The following PEX3 variants were observed in gnomAD, a reference collection of about 807,000 sequenced individuals.
PEX3 encodes peroxisomal biogenesis factor 3, also known as peroxin-3.
In PEX3, 30 loss-of-function variants were observed where a neutral mutation model predicts 55.8. The ratio of observed to expected loss-of-function variants is 0.54; its 90% confidence interval spans 0.40 to 0.73. The LOEUF (loss-of-function observed/expected upper bound fraction) is 0.73. PEX3 is among the 30% of genes least tolerant of loss of function. PEX3 has a pLI of 0.00. For missense variants in PEX3, 351 were observed against 432.8 expected, an observed-to-expected ratio of 0.81 and a Z score of 1.68; for synonymous variants, 135 against 148.4, an observed-to-expected ratio of 0.91 and a Z score of 0.66.
At position 143,453,681 on chromosome 6, in the gene PEX3, A is replaced by G. The variant is rs140977417; in HGVS notation, c.73+2566A>G. Among the ~76,000 whole-genome samples the G allele has an allele frequency of 2.6e-5, 4 of 152,082 alleles. No homozygotes were observed. The East Asian group carries it at 7.7e-4, about 29-fold the overall frequency. ...TCTTCACACTTTCCTCACTCATGCG[A>G]TCCTCTCACCTCAGCCTCCCAAGTA... On this transcript the variant is annotated intron_variant, in intron 1 of 11. Transcript: ENST00000367591. The surrounding 1 kb of genome is among the most constrained non-coding windows in gnomAD (Gnocchi z 4.6).
At position 143,458,534 on chromosome 6, in the gene PEX3, A is replaced by T. The variant is rs539365404; in HGVS notation, c.74-551A>T. The stretch of plus-strand genomic sequence containing the variant: ...GCATTTTGTGTTCATTGAAGAAAAT[A>T]TAGAGGACAAAATGACCTGTTATCC... On this transcript the variant is annotated intron_variant, in intron 1 of 11. Coordinates refer to ENST00000367591, the MANE Select transcript of PEX3 (RefSeq NM_003630.3). The surrounding 1 kb of genome is among the most constrained non-coding windows in gnomAD (Gnocchi z 6.1). Among the ~76,000 whole-genome samples, 1 of 152,194 alleles carries T rather than the reference A, an allele frequency of 6.6e-6. No individual in the cohort carries two copies.
rs1010869117 is a variant in PEX3 at position 143,490,106 on chromosome 6, T to G, written c.*880T>G. 31 of 152,226 alleles carry G rather than the reference T, an allele frequency of 2.0e-4. No individual in the cohort carries two copies. Among genetic ancestry groups the G allele is most frequent in the African/African-American group, 7.5e-4 (31 of 41,464 alleles). The allele number at this position is 152,226 out of a possible 1,614,324, so 9.4% of individuals were successfully genotyped here. ...AAGAGAGAGCATGCTAGTTTAAGTT[T>G]CATTTTAATTGGTCGTGTACTTGGT... On this transcript the variant is annotated 3_prime_UTR_variant, in exon 12 of 12. Transcript: ENST00000367591. The surrounding 1 kb of genome is among the most constrained non-coding windows in gnomAD (Gnocchi z 6.0).
chr6:143,469,698 A>G (rs1193331988), intron 4 of PEX3, among the ~76,000 whole-genome samples: 2 of 152,132 alleles, frequency 1.3e-5, no homozygotes, highest in African/African-American at 4.8e-5. Flanking sequence ...CCATTTGTCC[A>G]TTTTGGCTTT....
At chr6:143,468,052 T>A (rs1780014988) in intron 3 of PEX3, 70 bp from the exon 4 acceptor site, 6 of 838,952 alleles carry the variant, frequency 7.2e-6, no homozygotes, top group Non-Finnish European at 1.2e-5. Context: ...AAAATAGATC[T>A]ATAAAATTCA....
At chr6:143,469,159 A>C (rs1780036151) in intron 4 of PEX3, among the ~76,000 whole-genome samples, 1 of 152,198 alleles carries the variant, frequency 6.6e-6, no homozygotes, top group South Asian at 2.1e-4. Flanking sequence ...TCTTTATAGC[A>C]GCATGATTTA....
Position 143,485,393 on chromosome 6 carries a change from G to C in PEX3, c.1038+145G>C. ...GGAACTACATGTAGAGTATGGTAGA[G>C]TGTCCCATGAGAGTAATAACGGACC... On this transcript the variant is annotated intron_variant, in intron 11 of 11. Transcript: ENST00000367591. The surrounding 1 kb of genome is among the most constrained non-coding windows in gnomAD (Gnocchi z 5.6). 1.5e-6 allele frequency: 1 copy of C among 685,782 alleles called. No homozygotes were observed. Among genetic ancestry groups the C allele is most frequent in the East Asian group, 2.7e-5 (1 of 36,674 alleles). The allele number at this position is 685,782 out of a possible 1,614,324, so 42.5% of individuals were successfully genotyped here.
rs1173668526 is a variant in PEX3, at chr6:143,463,363, G to A, written c.287+366G>A. 1.3e-5 allele frequency among the ~76,000 whole-genome samples: 2 copies of A among 152,108 alleles called. No homozygotes were observed. The highest frequency in any genetic ancestry group is 2.9e-5 in the Non-Finnish European group (2 of 68,008). On this transcript the variant is annotated intron_variant, in intron 3 of 11. Transcript: ENST00000367591. This position sits in a 1 kb window ranked among gnomAD's most constrained non-coding sequence, Gnocchi z 5.7. ...TGTGCTTCTTTCTGAAAGAGCTTAC[G>A]GTGTAATACAGCATGTGAACATACG...
chr6:143,489,707 T>C lies in PEX3; in HGVS notation c.*481T>C, dbSNP rs1311954347. The C allele has an allele frequency of 6.6e-6, 1 of 152,070 alleles. No homozygotes were observed. The highest frequency in any genetic ancestry group is 2.4e-5 in the African/African-American group (1 of 41,416). The allele number at this position is 152,070 out of a possible 1,614,324, so 9.4% of individuals were successfully genotyped here. On this transcript the variant is annotated 3_prime_UTR_variant, in exon 12 of 12. Transcript: ENST00000367591. This position sits in a 1 kb window ranked among gnomAD's most constrained non-coding sequence, Gnocchi z 5.5. ...AATCAGACTTTTCTCCAGCTACCTT[T>C]CAAAATAATAAATTATTTGTCTCAA...
rs1780250933 is a variant in PEX3, at chr6:143,482,201, G to A, written c.942-2951G>A. Among the ~76,000 whole-genome samples, 1 of 151,972 alleles carries A rather than the reference G, an allele frequency of 6.6e-6. No homozygotes were observed. Among genetic ancestry groups the A allele is most frequent in the African/African-American group, 2.4e-5 (1 of 41,380 alleles). On this transcript the variant is annotated intron_variant, in intron 10 of 11. Coordinates refer to ENST00000367591, the MANE Select transcript of PEX3 (RefSeq NM_003630.3). This position sits in a 1 kb window ranked among gnomAD's most constrained non-coding sequence, Gnocchi z 5.5. ...TTCTATACTTATATCTTGAAAATAG[G>A]TAACTTTTACTGTTGGATAGCGAAA...
At chr6:143,470,736 A>G (rs536455472) in intron 4 of PEX3, among the ~76,000 whole-genome samples, 1 of 152,284 alleles carries the variant, frequency 6.6e-6, no homozygotes, top group Non-Finnish European at 1.5e-5. Flanking sequence ...TCTTTCACCT[A>G]ATATATTTCA....
At chr6:143,474,159 A>T (rs189221888) in intron 8 of PEX3, among the ~76,000 whole-genome samples, 3,259 of 150,630 alleles carry the variant, frequency 0.022, 37 homozygotes, top group Non-Finnish European at 0.03. Context: ...AAATTAAATT[A>T]AAAAAAAAGG....
intron 3 of PEX3, among the ~76,000 whole-genome samples, chr6:143,467,520 G>A (rs570936000): frequency 5.1e-4 from 77 of 152,180 alleles, no homozygotes; most frequent in Non-Finnish European, 8.7e-4. Context: ...CAGTGAAATT[G>A]GTGATATCAA....
At chr6:143,455,094 A>G (rs1292747243) in intron 1 of PEX3, among the ~76,000 whole-genome samples, 1 of 152,200 alleles carries the variant, frequency 6.6e-6, no homozygotes, top group Non-Finnish European at 1.5e-5. Context: ...TTCAGCAAAT[A>G]TTTATTGCGT....
rs1475832269 is a variant in PEX3 at position 143,486,880 on chromosome 6, A to G, written c.1038+1632A>G. Among the ~76,000 whole-genome samples, 1 of 152,144 alleles carries G rather than the reference A, an allele frequency of 6.6e-6. No homozygotes were observed. Among genetic ancestry groups the G allele is most frequent in the African/African-American group, 2.4e-5 (1 of 41,444 alleles). ...ATACATTCTCTACAGAAACTATTCAACTCTGCTCTGGCAGTGTGAAAGCAG... is the reference window on the plus strand; with the variant it reads ...ATACATTCTCTACAGAAACTATTCAGCTCTGCTCTGGCAGTGTGAAAGCAG... On this transcript the variant is annotated intron_variant, in intron 11 of 11. Transcript: ENST00000367591. This position sits in a 1 kb window ranked among gnomAD's most constrained non-coding sequence, Gnocchi z 5.0.
At chr6:143,452,553 A>C (rs1779790805) in intron 1 of PEX3, among the ~76,000 whole-genome samples, 1 of 152,232 alleles carries the variant, frequency 6.6e-6, no homozygotes, top group African/African-American at 2.4e-5. Context: ...GGGAAGCAAA[A>C]GAGTATACTT....
chr6:143,481,566 G>A (rs1322313004), intron 10 of PEX3, among the ~76,000 whole-genome samples: 2 of 151,996 alleles, frequency 1.3e-5, no homozygotes, highest in Non-Finnish European at 2.9e-5. Flanking sequence ...TGTAAGGAGG[G>A]TTAAAACTAG....
In PEX3 at chr6:143,454,598, A is replaced by G. The variant is rs1011217500; in HGVS notation, c.73+3483A>G. ...CTTTACTCTGGAAATACAAAGGAAT[A>G]AGACAGATCCTGACTTTGAACTCAT... On this transcript the variant is annotated intron_variant, in intron 1 of 11. Transcript: ENST00000367591. The surrounding 1 kb of genome is among the most constrained non-coding windows in gnomAD (Gnocchi z 4.3). Among the ~76,000 whole-genome samples, 1 of 152,242 alleles carries G rather than the reference A, an allele frequency of 6.6e-6. No individual in the cohort carries two copies. Among genetic ancestry groups the G allele is most frequent in the African/African-American group, 2.4e-5 (1 of 41,456 alleles).
At chr6:143,452,520 T>C (rs930547990) in intron 1 of PEX3, among the ~76,000 whole-genome samples, 1 of 152,200 alleles carries the variant, frequency 6.6e-6, no homozygotes, top group Non-Finnish European at 1.5e-5. Flanking sequence ...AACAACTTTG[T>C]AGTAGATTAG....
intron 8 of PEX3, among the ~76,000 whole-genome samples, chr6:143,472,975 A>G (rs1440070407): frequency 3.3e-5 from 5 of 152,242 alleles, no homozygotes; most frequent in African/African-American, 1.2e-4. Flanking sequence ...TAAAAATAAT[A>G]GAAATGCCAG....
Sources: gnomAD v4.1 joint callset for allele counts (sites outside exome capture counted in the v4.1 genomes callset) on GRCh38, gnomAD v4.1.1 for gene constraint, Gnocchi (gnomAD v3.1) non-coding constraint, MANE v1.5 for transcripts, NCBI Gene and HGNC (gene_info 2026-07-23, HGNC 2026-07-21) for gene names.